Variants in SNX25 observed in about 807,000 individuals in gnomAD.
SNX25 encodes the protein sorting nexin 25, also known as sorting nexin-25.
In SNX25, 62 loss-of-function variants were observed where a neutral mutation model predicts 113.7. The observed-to-expected ratio is 0.55, with a 90% CI of 0.44 to 0.67. SNX25 has a LOEUF of 0.67. Ranked by LOEUF, SNX25 falls within the 30% of genes least tolerant of loss-of-function variation. The pLI, the probability that SNX25 is intolerant of heterozygous loss-of-function variation, is 0.00. For missense variants in SNX25, 1,014 were observed against 1,161.0 expected, an observed-to-expected ratio of 0.87 and a Z score of 1.84; for synonymous variants, 421 against 436.2, an observed-to-expected ratio of 0.97 and a Z score of 0.43.
At chr4:185,378,183 T>C in the SNX25 span, 2 of 1,613,830 alleles carry the variant, frequency 1.2e-6, no homozygotes, top group Non-Finnish European at 1.7e-6. Context: ...CTGGTCAACT[T>C]CATCCTTTTT....
chr4:185,306,595 TTC>T (rs946272121), intron 6 of SNX25, among the ~76,000 whole-genome samples: 1 of 152,234 alleles, frequency 6.6e-6, no homozygotes, highest in African/African-American at 2.4e-5. Context: ...TCTCCTATAT[TTC>T]TCTCTCTTTA....
rs200631935 is a variant in SNX25, at chr4:185,351,628, G to T, written c.2466+19G>T. ...CCAGGAGGTGAGCCGTTGAAAGAGT[G>T]AACCACTTTTGTAGTGTATTTCAGC... is the stretch of plus-strand genomic sequence containing the variant. On this transcript the variant is annotated intron_variant, in intron 14 of 18. Coordinates refer to ENST00000652585, the MANE Select transcript of SNX25 (RefSeq NM_001378034.2). 1.9e-6 allele frequency: 3 copies of T among 1,610,996 alleles called. No homozygotes were observed. The highest frequency in any genetic ancestry group is 1.3e-5 in the African/African-American group (1 of 75,004).
chr4:185,348,115 A>G (rs112913251), intron 13 of SNX25, among the ~76,000 whole-genome samples: 2,227 of 152,318 alleles, frequency 0.015, 53 homozygotes, highest in African/African-American at 0.051. Context: ...CCAAAGGTGT[A>G]CTGTCCTCAA....
downstream of SNX25, chr4:185,374,409 G>C (rs2095426262): frequency 6.2e-7 from 1 of 1,613,934 alleles, no homozygotes; most frequent in African/African-American, 1.3e-5. Context: ...TAAGTGTCTT[G>C]CTTTGGGACA....
chr4:185,251,959 C>CT (rs781039754), intron 2 of SNX25, among the ~76,000 whole-genome samples: 14 of 147,384 alleles, frequency 9.5e-5, no homozygotes, highest in South Asian at 8.6e-4. Flanking sequence ...TTATACTTTG[C>CT]TTTTTTTTTT....
At chr4:185,242,582 G>C (rs1438631349) in intron 1 of SNX25, among the ~76,000 whole-genome samples, 7 of 152,250 alleles carry the variant, frequency 4.6e-5, no homozygotes, top group East Asian at 3.8e-4. Context: ...GGTGAGGTAT[G>C]GGGGAGGGGT....
At chr4:185,245,869 T>C (rs1263188530) in intron 1 of SNX25, among the ~76,000 whole-genome samples, 1 of 152,240 alleles carries the variant, frequency 6.6e-6, no homozygotes, top group Non-Finnish European at 1.5e-5. Flanking sequence ...TTGACGTATA[T>C]ATAAAAACTT....
chr4:185,357,473 A>T (rs1326596103), intron 15 of SNX25, among the ~76,000 whole-genome samples, 198 bp from the exon 16 acceptor site: 2 of 152,194 alleles, frequency 1.3e-5, no homozygotes, highest in East Asian at 3.8e-4. Flanking sequence ...TCATCTCATC[A>T]GTTGCTTGGT....
downstream of SNX25, chr4:185,370,541 T>G (rs2095411265): frequency 8.1e-7 from 1 of 1,231,762 alleles, no homozygotes; most frequent in Non-Finnish European, 1.1e-6. Context: ...TGCACAGTAA[T>G]TGAGTAGAAA....
intron 16 of SNX25, 94 bp from the exon 17 acceptor site, chr4:185,361,830 G>A: frequency 1.8e-6 from 2 of 1,125,446 alleles, no homozygotes; most frequent in Non-Finnish European, 1.3e-6. Flanking sequence ...CTTAGATCAG[G>A]CTGTATCTTA....
intron 1 of SNX25, among the ~76,000 whole-genome samples, chr4:185,216,371 C>CTATTAA (rs1371560226): frequency 6.6e-6 from 1 of 152,068 alleles, no homozygotes; most frequent in African/African-American, 2.4e-5. Context: ...CGTGATGGAA[C>CTATTAA]TATTAAGATC....
chr4:185,347,342 G>T, intron 13 of SNX25, among the ~76,000 whole-genome samples: 1 of 152,118 alleles, frequency 6.6e-6, no homozygotes, highest in East Asian at 1.9e-4. Context: ...AGTGTGTAAG[G>T]GTTCTGATTG....
At chr4:185,223,917 C>A (rs3112906) in intron 1 of SNX25, among the ~76,000 whole-genome samples, 3 of 151,558 alleles carry the variant, frequency 2.0e-5, no homozygotes, top group Non-Finnish European at 2.9e-5. Flanking sequence ...CTTGTCCCTC[C>A]TGTACTCTTC....
At chr4:185,271,186 C>T (rs764189568) in intron 5 of SNX25, among the ~76,000 whole-genome samples, 7 of 152,200 alleles carry the variant, frequency 4.6e-5, no homozygotes, top group Non-Finnish European at 8.8e-5. Context: ...TTCCTTCTTA[C>T]TACTAGGCTT....
At chr4:185,377,045 A>G in the SNX25 span, 11 of 1,423,340 alleles carry the variant, frequency 7.7e-6, no homozygotes, top group East Asian at 2.3e-5. Context: ...AAGGAATTCC[A>G]TCAACCACAC....
At chr4:185,239,182 T>C (rs66648367) in intron 1 of SNX25, among the ~76,000 whole-genome samples, 29,846 of 152,094 alleles carry the variant, frequency 0.2, 3,121 homozygotes, top group African/African-American at 0.26. Context: ...CTGTCACATA[T>C]ATTAGAGAAA....
At chr4:185,361,852 G>A in intron 16 of SNX25, 72 bp from the exon 17 acceptor site, 1 of 1,461,286 alleles carries the variant, frequency 6.8e-7, no homozygotes, top group Admixed American at 1.8e-5. Flanking sequence ...CCTTCGTATT[G>A]ATAAGTGCCT....
chr4:185,354,655 A>G lies in SNX25; in HGVS notation c.2584+1053A>G, dbSNP rs563340773. On this transcript the variant is annotated intron_variant, in intron 15 of 18. Coordinates refer to ENST00000652585, the MANE Select transcript of SNX25 (RefSeq NM_001378034.2). ...TCAAAGTTCCATTTCCTTAAGAGCT[A>G]TACAAGTGCCTCTCCCTGAAAGCAT... Among the ~76,000 whole-genome samples, 5 of 152,354 alleles carry G rather than the reference A, an allele frequency of 3.3e-5. No individual in the cohort carries two copies. The East Asian group carries it at 5.8e-4, about 18-fold the overall frequency.
At chr4:185,260,798 T>G (rs1303111638) in intron 3 of SNX25, among the ~76,000 whole-genome samples, 1 of 152,156 alleles carries the variant, frequency 6.6e-6, no homozygotes, top group Admixed American at 6.5e-5. Flanking sequence ...TGGACCACCC[T>G]TTGAAAACTG....
Sources: gnomAD v4.1 joint callset for allele counts (sites outside exome capture counted in the v4.1 genomes callset) on GRCh38, gnomAD v4.1.1 for gene constraint, MANE v1.5 for transcripts, NCBI Gene and HGNC (gene_info 2026-07-23, HGNC 2026-07-21) for gene names.